NFASC: variants seen among roughly 807,000 people sequenced by gnomAD.
NFASC encodes neurofascin homolog.
A neutral mutation model predicts 147.5 loss-of-function variants in NFASC; 43 were observed. That is an observed-to-expected ratio of 0.29 (90% CI 0.23 to 0.38). The LOEUF (loss-of-function observed/expected upper bound fraction) is 0.38, where lower values mean the gene tolerates loss of function less well. Ranked by LOEUF, NFASC falls within the 10% of genes least tolerant of loss-of-function variation. The probability of loss-of-function intolerance (pLI) is 1.00; values close to 1 mark genes in which losing one functional copy is unlikely to be tolerated. For missense variants in NFASC, 1,320 were observed against 1,689.0 expected (o/e 0.78, Z 3.83); for synonymous variants, 622 against 665.5 (o/e 0.93, Z 1.01).
intron 3 of NFASC, 145 bp from the exon 4 acceptor site, chr1:204,950,412 A>C (rs1025854117): frequency 2.7e-6 from 2 of 739,710 alleles, no homozygotes; most frequent in African/African-American, 3.5e-5. Context: ...TGCAGCCAGG[A>C]GGAGAGAGCC....
At chr1:204,845,723 G>A (rs960737130) in intron 1 of NFASC, among the ~76,000 whole-genome samples, 17 of 152,148 alleles carry the variant, frequency 1.1e-4, no homozygotes, top group South Asian at 8.3e-4. Context: ...GCAGCATAGC[G>A]AAATGCCATT....
intron 25 of NFASC, chr1:205,000,259 A>T (rs2095946606): frequency 6.6e-6 from 1 of 152,132 alleles, no homozygotes; most frequent in Admixed American, 6.5e-5. Flanking sequence ...CGTGAGGGAG[A>T]GGAAGGCTTC....
At chr1:204,931,351 T>C (rs1183307642) in intron 2 of NFASC, among the ~76,000 whole-genome samples, 2 of 152,242 alleles carry the variant, frequency 1.3e-5, no homozygotes, top group Non-Finnish European at 2.9e-5. Flanking sequence ...AGCTCCTCTC[T>C]CTCAGTCCTG....
intron 1 of NFASC, among the ~76,000 whole-genome samples, chr1:204,861,148 G>A (rs916279719): frequency 7.8e-5 from 11 of 140,354 alleles, no homozygotes; most frequent in African/African-American, 2.4e-4. Context: ...GAGTGCAGTG[G>A]TGCAATCATC....
chr1:204,874,994 A>G (rs1312458082), intron 1 of NFASC, among the ~76,000 whole-genome samples: 1 of 152,098 alleles, frequency 6.6e-6, no homozygotes, highest in African/African-American at 2.4e-5. Flanking sequence ...CATTTTATAG[A>G]TGGGGAAACA....
rs7521194 is a variant in NFASC, at chr1:204,984,347, A to G, written c.2470+2327A>G. On this transcript the variant is annotated intron_variant, in intron 21 of 29. Coordinates refer to ENST00000339876, the MANE Select transcript of NFASC (RefSeq NM_001005388.3). Reference sequence around the variant, plus strand: ...TATATATATATGTGTGTGTGTGTGTATATATATATATGTGTGTGTGTGTAT... The same window carrying G: ...TATATATATATGTGTGTGTGTGTGTGTATATATATATGTGTGTGTGTGTAT... The G allele has an allele frequency of 8.3e-3, 1,640 of 198,552 alleles. 15 individuals are homozygous for G. Among genetic ancestry groups the G allele is most frequent in the South Asian group, 0.011 (172 of 16,240 alleles). 12.3% of individuals were successfully genotyped at this position (198,552 alleles called of 1,614,324 possible). A position where few individuals can be genotyped will look rare whatever the true frequency, so the allele number is the denominator to read the frequency against.
chr1:204,945,633 G>A (rs1372267091), intron 3 of NFASC, among the ~76,000 whole-genome samples: 1 of 152,242 alleles, frequency 6.6e-6, no homozygotes, highest in Non-Finnish European at 1.5e-5. Context: ...CCCCAGGCAT[G>A]TGGACTTGAA....
chr1:204,834,992 AGCACCT>A (rs1268014848), intron 1 of NFASC, among the ~76,000 whole-genome samples: 2 of 152,064 alleles, frequency 1.3e-5, no homozygotes, highest in African/African-American at 4.8e-5. Flanking sequence ...ATCATCACCA[AGCACCT>A]GCTATTTGGG....
In NFASC at chr1:205,017,982, A is replaced by C. The variant is rs1330067361; in HGVS notation, c.*1443A>C. On this transcript the variant is annotated 3_prime_UTR_variant, in exon 30 of 30. Transcript: ENST00000339876. ...TCCAGGAGAGCAGGGCAGCCTATGCAAGTGTTCCGGCAGGACCAGAAGTGG... is the reference window on the plus strand; with the variant it reads ...TCCAGGAGAGCAGGGCAGCCTATGCCAGTGTTCCGGCAGGACCAGAAGTGG... 1 of 152,812 alleles carries C rather than the reference A, an allele frequency of 6.5e-6. No homozygotes were observed. Among genetic ancestry groups the C allele is most frequent in the East Asian group, 1.9e-4 (1 of 5,200 alleles). 9.5% of individuals were successfully genotyped at this position (152,812 alleles called of 1,614,324 possible). A position where few individuals can be genotyped will look rare whatever the true frequency, so the allele number is the denominator to read the frequency against.
At chr1:204,865,685 A>G (rs891533250) in intron 1 of NFASC, among the ~76,000 whole-genome samples, 2 of 152,172 alleles carry the variant, frequency 1.3e-5, no homozygotes, top group Non-Finnish European at 2.9e-5. Context: ...ATAGCTTTGT[A>G]GTATGTTTTG....
intron 1 of NFASC, among the ~76,000 whole-genome samples, chr1:204,908,230 C>A (rs1290521493): frequency 6.6e-6 from 1 of 152,162 alleles, no homozygotes; most frequent in African/African-American, 2.4e-5. Flanking sequence ...AATCTGCCCA[C>A]CTTGGCCTCC....
At chr1:204,873,870 C>G (rs2078209584) in intron 1 of NFASC, among the ~76,000 whole-genome samples, 1 of 152,138 alleles carries the variant, frequency 6.6e-6, no homozygotes. Flanking sequence ...CGGGCTGTGT[C>G]TTCTCCCTCC....
chr1:204,866,270 T>A (rs1421397295), intron 1 of NFASC, among the ~76,000 whole-genome samples: 1 of 152,120 alleles, frequency 6.6e-6, no homozygotes, highest in East Asian at 1.9e-4. Flanking sequence ...TCTTGGGATT[T>A]GGAGTGTGTG....
At chr1:204,936,184 C>T (rs1356528846) in intron 2 of NFASC, among the ~76,000 whole-genome samples, 2 of 34,964 alleles carry the variant, frequency 5.7e-5, no homozygotes, top group African/African-American at 1.0e-4. Flanking sequence ...AACAGATTCC[C>T]TCTCTCTCTC....
chr1:205,004,569 A>G (rs2096066984), intron 27 of NFASC, among the ~76,000 whole-genome samples: 1 of 152,218 alleles, frequency 6.6e-6, no homozygotes, highest in African/African-American at 2.4e-5. Flanking sequence ...ACTGTCTGCA[A>G]ACCACATAGG....
intron 11 of NFASC, among the ~76,000 whole-genome samples, chr1:204,972,281 T>G (rs2095283916): frequency 6.6e-6 from 1 of 152,186 alleles, no homozygotes; most frequent in Non-Finnish European, 1.5e-5. Flanking sequence ...AGCTTCCTAG[T>G]CCAGAAATCT....
Position 204,954,622 on chromosome 1 carries a change from G to A in NFASC, c.413-207G>A, listed in dbSNP as rs576518629. Reference sequence around the variant, plus strand: ...ACTGCGGGCACAGGAGACGGGAAAGGAGGGGAGCCTTGAAGATGCCTCCCT... The same window carrying A: ...ACTGCGGGCACAGGAGACGGGAAAGAAGGGGAGCCTTGAAGATGCCTCCCT... On this transcript the variant is annotated intron_variant, in intron 6 of 29. Coordinates refer to ENST00000339876, the MANE Select transcript of NFASC (RefSeq NM_001005388.3). The surrounding 1 kb of genome is among the most constrained non-coding windows in gnomAD (Gnocchi z 5.7). Among the ~76,000 whole-genome samples the A allele has an allele frequency of 3.3e-5, 5 of 152,314 alleles. No homozygotes were observed. Among genetic ancestry groups the A allele is most frequent in the Admixed American group, 3.3e-4 (5 of 15,304 alleles).
chr1:204,835,076 G>C (rs16854481), intron 1 of NFASC, among the ~76,000 whole-genome samples: 286 of 152,262 alleles, frequency 1.9e-3, no homozygotes, highest in African/African-American at 6.8e-3. Flanking sequence ...TGCCTTACAG[G>C]TGGTAAGAGA....
Position 204,987,620 on chromosome 1 carries a change from G to C in NFASC, c.2593+80G>C. 1 of 1,553,104 alleles carries C rather than the reference G, an allele frequency of 6.4e-7. No homozygotes were observed. The highest frequency in any genetic ancestry group is 8.8e-7 in the Non-Finnish European group (1 of 1,131,880). ...CTCACCACTTTTCCTAAGGACTCAA[G>C]GTAGAAAGCCTGTGGGTGCAGATGG... On this transcript the variant is annotated intron_variant, in intron 22 of 29. Coordinates refer to ENST00000339876, the MANE Select transcript of NFASC (RefSeq NM_001005388.3). The surrounding 1 kb of genome is among the most constrained non-coding windows in gnomAD (Gnocchi z 4.4).
Sources: allele counts gnomAD v4.1 joint callset (sites outside exome capture counted in the v4.1 genomes callset), GRCh38; gene constraint gnomAD v4.1.1; non-coding constraint Gnocchi (gnomAD v3.1); transcripts MANE v1.5; gene names NCBI Gene and HGNC (gene_info 2026-07-23, HGNC 2026-07-21).